The following IL1RAPL2 variants were observed in gnomAD, a reference collection of about 807,000 sequenced individuals.
The protein encoded by IL1RAPL2 is X-linked interleukin-1 receptor accessory protein-like 2.
Under a neutral mutation model 44.1 loss-of-function variants are expected in IL1RAPL2, and 3 were observed. The ratio of observed to expected loss-of-function variants is 0.07; its 90% CI spans 0.03 to 0.18. IL1RAPL2 has a LOEUF of 0.18. Among genes scored for constraint, IL1RAPL2 ranks in the 10% least tolerant of loss-of-function variants. IL1RAPL2 has a pLI of 1.00. For synonymous variants in IL1RAPL2, 181 were observed against 178.8 expected (o/e 1.01, Z -0.10); for missense variants, 391 against 496.4 (o/e 0.79, Z 2.02).
chrX:105,364,143 A>G (rs1389349565), intron 5 of IL1RAPL2, among the ~76,000 whole-genome samples: 1 of 111,399 alleles, frequency 9.0e-6, no homozygotes, highest in African/African-American at 3.3e-5. Flanking sequence ...ACCTGTGGCT[A>G]TTCAGTTTTC....
intron 2 of IL1RAPL2, among the ~76,000 whole-genome samples, chrX:105,156,790 C>T (rs749462277): frequency 2.5e-4 from 28 of 111,812 alleles, no homozygotes; most frequent in East Asian, 1.7e-3. Context: ...TATTTGATCT[C>T]GAGACCCTTC....
chrX:105,418,792 A>G (rs1011620603), intron 5 of IL1RAPL2, among the ~76,000 whole-genome samples: 7 of 111,949 alleles, frequency 6.3e-5, no homozygotes, highest in African/African-American at 2.3e-4. Context: ...TTGTTATAAA[A>G]CTCAAGAAGA....
chrX:105,469,039 G>A (rs1373439999), intron 5 of IL1RAPL2, among the ~76,000 whole-genome samples: 3 of 111,496 alleles, frequency 2.7e-5, no homozygotes, highest in Admixed American at 1.9e-4. Flanking sequence ...ACAAGCAGTG[G>A]GACTAGATTG....
chrX:105,495,259 C>T (rs990710373), intron 6 of IL1RAPL2, among the ~76,000 whole-genome samples: 1 of 111,917 alleles, frequency 8.9e-6, no homozygotes, highest in African/African-American at 3.2e-5. Context: ...TCAGTTAAAG[C>T]AAGTCCTTTG....
intron 2 of IL1RAPL2, among the ~76,000 whole-genome samples, chrX:105,185,543 A>T (rs1334870187): frequency 1.8e-5 from 2 of 111,481 alleles, no homozygotes; most frequent in Non-Finnish European, 3.8e-5. Context: ...TAGCACCTTC[A>T]TTTCTTTAAG....
chrX:105,139,645 A>G (rs2033108028), intron 2 of IL1RAPL2, among the ~76,000 whole-genome samples: 1 of 111,647 alleles, frequency 9.0e-6, no homozygotes, highest in South Asian at 3.8e-4. Context: ...ACATGTTGGA[A>G]AGAGAGCTAG....
intron 2 of IL1RAPL2, among the ~76,000 whole-genome samples, chrX:104,935,331 T>C (rs968125918): frequency 8.9e-6 from 1 of 112,437 alleles, no homozygotes; most frequent in Admixed American, 9.5e-5. Context: ...GTTCTTTCTC[T>C]ATGAATTGCC....
intron 5 of IL1RAPL2, among the ~76,000 whole-genome samples, chrX:105,286,539 A>G (rs16984686): frequency 0.067 from 7,401 of 109,800 alleles, 667 homozygotes; most frequent in African/African-American, 0.23. Context: ...TCCTGCAAAA[A>G]AAATGAGAAT....
chrX:104,718,055 C>T (rs1006055420), intron 2 of IL1RAPL2, among the ~76,000 whole-genome samples: 1 of 110,886 alleles, frequency 9.0e-6, no homozygotes, highest in African/African-American at 3.3e-5. Flanking sequence ...AATAGTGCCA[C>T]AATAAACATA....
chrX:104,872,062 A>G (rs1037664834), intron 2 of IL1RAPL2, among the ~76,000 whole-genome samples: 2 of 111,898 alleles, frequency 1.8e-5, no homozygotes, highest in African/African-American at 6.5e-5. Context: ...GACAAAGCAG[A>G]AGGGAAATAT....
intron 2 of IL1RAPL2, among the ~76,000 whole-genome samples, chrX:104,935,790 T>C (rs1311348323): frequency 1.8e-5 from 2 of 111,767 alleles, no homozygotes. Context: ...TTCAGTATGA[T>C]CTTACAGGAT....
At chrX:105,127,834 G>A (rs2147575744) in intron 2 of IL1RAPL2, among the ~76,000 whole-genome samples, 1 of 110,884 alleles carries the variant, frequency 9.0e-6, no homozygotes, top group Non-Finnish European at 1.9e-5. Context: ...GTTTGGAAGA[G>A]ACAGACAAAT....
chrX:104,833,833 T>A (rs1048217805), intron 2 of IL1RAPL2, among the ~76,000 whole-genome samples: 1 of 112,575 alleles, frequency 8.9e-6, no homozygotes, highest in Admixed American at 9.4e-5. Context: ...AGAAGAAATC[T>A]ATGAAGTTAA....
chrX:104,914,781 G>A (rs975177625), intron 2 of IL1RAPL2, among the ~76,000 whole-genome samples: 1 of 109,553 alleles, frequency 9.1e-6, no homozygotes, highest in African/African-American at 3.3e-5. Context: ...TGTTCTCATC[G>A]TTCAATTCCC....
At chrX:105,001,081 T>C (rs1324026771) in intron 2 of IL1RAPL2, among the ~76,000 whole-genome samples, 3 of 111,539 alleles carry the variant, frequency 2.7e-5, no homozygotes, top group African/African-American at 9.8e-5. Flanking sequence ...TCCTGCTTTG[T>C]ACTGAAATTT....
At chrX:105,532,185 T>C (rs1302132760) in intron 6 of IL1RAPL2, among the ~76,000 whole-genome samples, 1 of 111,722 alleles carries the variant, frequency 9.0e-6, no homozygotes, top group East Asian at 2.8e-4. Flanking sequence ...TTTGGTGTCA[T>C]TGATTCTAGA....
intron 6 of IL1RAPL2, among the ~76,000 whole-genome samples, chrX:105,673,194 A>T (rs1414460263): frequency 9.0e-6 from 1 of 111,479 alleles, no homozygotes; most frequent in African/African-American, 3.3e-5. Context: ...TGGGGTACAT[A>T]TGCAGTATGT....
intron 6 of IL1RAPL2, among the ~76,000 whole-genome samples, chrX:105,613,725 G>C (rs749575643): frequency 8.9e-6 from 1 of 111,871 alleles, no homozygotes; most frequent in Non-Finnish European, 1.9e-5. Context: ...CTGTGGTGGT[G>C]GTAGCCATGG....
chrX:104,891,164 G>A (rs1346519436), intron 2 of IL1RAPL2, among the ~76,000 whole-genome samples: 5 of 111,551 alleles, frequency 4.5e-5, no homozygotes, highest in Non-Finnish European at 7.5e-5. Flanking sequence ...CTATATCTCT[G>A]TTTTGGTACC....
Sources: allele counts gnomAD v4.1 joint callset (sites outside exome capture counted in the v4.1 genomes callset), GRCh38; gene constraint gnomAD v4.1.1; transcripts MANE v1.5; gene names NCBI Gene and HGNC (gene_info 2026-07-23, HGNC 2026-07-21).